PRR5L: variants seen among roughly 807,000 people sequenced by gnomAD.
The protein encoded by PRR5L is proline rich 5 like, also known as proline-rich protein 5-like.
A neutral mutation model predicts 36.4 loss-of-function variants in PRR5L; 21 were observed. That is an observed-to-expected ratio of 0.58 (90% CI 0.41 to 0.83). The LOEUF (loss-of-function observed/expected upper bound fraction) is 0.83. Ranked by LOEUF, PRR5L falls within the 40% of genes least tolerant of loss-of-function variation. PRR5L has a pLI of 0.00. For synonymous variants in PRR5L, 188 were observed against 197.0 expected (o/e 0.95, Z 0.38); for missense variants, 381 against 473.3 (o/e 0.80, Z 1.81).
Position 36,372,643 on chromosome 11 carries a change from G to C in PRR5L, c.-125-28354G>C, listed in dbSNP as rs141757456. ...ATCAGACTGGTAACAAGAGAAGCAG[G>C]GAGTGGCTGGGATTGTGGCAAACTG... On this transcript the variant is annotated intron_variant, in intron 1 of 8. Transcript: ENST00000530639. Among the ~76,000 whole-genome samples the C allele has an allele frequency of 2.7e-3, 412 of 152,246 alleles. 3 individuals carry two copies. The highest frequency in any genetic ancestry group is 9.6e-3 in the African/African-American group (399 of 41,536).
intron 6 of PRR5L, among the ~76,000 whole-genome samples, chr11:36,440,725 G>C (rs1407370139): frequency 6.6e-6 from 1 of 152,156 alleles, no homozygotes; most frequent in Admixed American, 6.5e-5. Context: ...GGCTTGTTTG[G>C]CTCATGGTTC....
intron 1 of PRR5L, among the ~76,000 whole-genome samples, chr11:36,338,313 A>T (rs1856787493): frequency 6.6e-6 from 1 of 152,120 alleles, no homozygotes; most frequent in African/African-American, 2.4e-5. Flanking sequence ...CACACCTTGT[A>T]TTTGTCACTT....
chr11:36,457,194 C>G (rs936299668), intron 8 of PRR5L, among the ~76,000 whole-genome samples: 2 of 152,240 alleles, frequency 1.3e-5, no homozygotes, highest in Admixed American at 1.3e-4. Context: ...GATTTACCCT[C>G]TGTCTTCTCT....
At chr11:36,417,617 G>C (rs1313168375) in intron 3 of PRR5L, among the ~76,000 whole-genome samples, 1 of 152,222 alleles carries the variant, frequency 6.6e-6, no homozygotes, top group Non-Finnish European at 1.5e-5. Flanking sequence ...ATGGGAAAAG[G>C]AAGGTATTTT....
intron 1 of PRR5L, among the ~76,000 whole-genome samples, chr11:36,362,562 T>C (rs2162195): frequency 0.21 from 32,212 of 151,838 alleles, 3,622 homozygotes; most frequent in Admixed American, 0.3. Context: ...ATTGACATAT[T>C]GGGGAAAGAA....
chr11:36,433,731 G>A (rs929186724), intron 5 of PRR5L, among the ~76,000 whole-genome samples: 1 of 152,062 alleles, frequency 6.6e-6, no homozygotes, highest in Non-Finnish European at 1.5e-5. Flanking sequence ...TGTATATTTA[G>A]TAGGCGTTTC....
intron 1 of PRR5L, among the ~76,000 whole-genome samples, chr11:36,333,615 C>T (rs573654443): frequency 9.7e-4 from 147 of 152,258 alleles, no homozygotes; most frequent in African/African-American, 3.2e-3. Flanking sequence ...ATGGAAGCAG[C>T]TAGACACAGA....
At chr11:36,431,490 A>C (rs1858493596) in intron 4 of PRR5L, among the ~76,000 whole-genome samples, 1 of 151,962 alleles carries the variant, frequency 6.6e-6, no homozygotes, top group Non-Finnish European at 1.5e-5. Context: ...ATTTCTGCAT[A>C]GTTTCCCATT....
chr11:36,451,119 G>C (rs1484702608), intron 7 of PRR5L, 90 bp from the exon 8 acceptor site: 5 of 1,493,184 alleles, frequency 3.3e-6, no homozygotes, highest in Non-Finnish European at 4.6e-6. Context: ...TTGTACATTG[G>C]AGGAGGACAA....
At chr11:36,400,510 T>G (rs1857768379) in intron 1 of PRR5L, among the ~76,000 whole-genome samples, 1 of 152,172 alleles carries the variant, frequency 6.6e-6, no homozygotes, top group Non-Finnish European at 1.5e-5. Context: ...GAAGGTGAGA[T>G]GTGCTTGAGT....
chr11:36,368,841 T>C (rs1409250569), intron 1 of PRR5L, among the ~76,000 whole-genome samples: 1 of 152,266 alleles, frequency 6.6e-6, no homozygotes, highest in Non-Finnish European at 1.5e-5. Context: ...TTAAACTGAA[T>C]ACATTAATTT....
chr11:36,367,740 TTCTCTCTC>T (rs55635913), intron 1 of PRR5L, among the ~76,000 whole-genome samples: 73,186 of 150,238 alleles, frequency 0.49, 18,040 homozygotes, highest in East Asian at 0.85. Flanking sequence ...ACCAGAGAAC[TTCTCTCTC>T]TCTCTCTCTC....
At chr11:36,390,624 T>A (rs1857546726) in intron 1 of PRR5L, among the ~76,000 whole-genome samples, 1 of 152,174 alleles carries the variant, frequency 6.6e-6, no homozygotes, top group African/African-American at 2.4e-5. Context: ...CAGACACAGG[T>A]GCTTCCAAAC....
chr11:36,351,759 T>TTA (rs1263627019), intron 1 of PRR5L, among the ~76,000 whole-genome samples: 865 of 30,374 alleles, frequency 0.028, 84 homozygotes, highest in Non-Finnish European at 0.033. Flanking sequence ...TTATATATAT[T>TTA]TATATATTTA....
chr11:36,443,129 A>G (rs1488194672), intron 6 of PRR5L, among the ~76,000 whole-genome samples: 2 of 152,238 alleles, frequency 1.3e-5, no homozygotes, highest in African/African-American at 2.4e-5. Context: ...CAGGCTGTAT[A>G]TGAAACACAG....
At chr11:36,368,903 T>C (rs201840909) in intron 1 of PRR5L, among the ~76,000 whole-genome samples, 6 of 152,182 alleles carry the variant, frequency 3.9e-5, no homozygotes, top group South Asian at 4.1e-4. Flanking sequence ...CCCACGAAAA[T>C]CAAAGCTCTT....
chr11:36,416,440 C>T (rs760032147), intron 3 of PRR5L, among the ~76,000 whole-genome samples: 42 of 152,146 alleles, frequency 2.8e-4, no homozygotes, highest in Non-Finnish European at 5.0e-4. Context: ...GGCTATGGCC[C>T]ATTACATTTA....
intron 1 of PRR5L, among the ~76,000 whole-genome samples, chr11:36,331,267 C>T (rs1856716028): frequency 6.6e-6 from 1 of 152,184 alleles, no homozygotes; most frequent in Non-Finnish European, 1.5e-5. Flanking sequence ...TTTAACATCT[C>T]TCTTTTTACA....
chr11:36,351,728 T>TATATATA (rs1201412908), intron 1 of PRR5L, among the ~76,000 whole-genome samples: 4 of 104,920 alleles, frequency 3.8e-5, no homozygotes, highest in African/African-American at 1.5e-4. Flanking sequence ...TTTATATATT[T>TATATATA]TTTATATATT....
Sources: allele counts gnomAD v4.1 joint callset (sites outside exome capture counted in the v4.1 genomes callset), GRCh38; gene constraint gnomAD v4.1.1; transcripts MANE v1.5; gene names NCBI Gene and HGNC (gene_info 2026-07-23, HGNC 2026-07-21).